The following ST6GALNAC3 variants were observed in gnomAD, a reference collection of about 807,000 sequenced individuals.
ST6GALNAC3 encodes the protein ST6 N-acetylgalactosaminide alpha-2,6-sialyltransferase 3.
A neutral mutation model predicts 32.7 loss-of-function variants in ST6GALNAC3; 25 were observed. That is an observed-to-expected ratio of 0.76 (90% confidence interval 0.56 to 1.07). The LOEUF (loss-of-function observed/expected upper bound fraction) is 1.07, where lower values mean the gene tolerates loss of function less well. Ranked by LOEUF, ST6GALNAC3 falls within the 50% of genes least tolerant of loss-of-function variation. ST6GALNAC3 has a pLI of 0.00. For missense variants in ST6GALNAC3, 355 were observed against 382.4 expected (o/e 0.93, Z 0.60); for synonymous variants, 129 against 133.1 (o/e 0.97, Z 0.21).
chr1:76,081,127 T>C (rs917325525), intron 1 of ST6GALNAC3, among the ~76,000 whole-genome samples: 2 of 152,178 alleles, frequency 1.3e-5, no homozygotes, highest in African/African-American at 4.8e-5. Context: ...AATTGTCCGA[T>C]GTCCTGTGGT....
chr1:76,565,080 C>T (rs1665473282), intron 3 of ST6GALNAC3, among the ~76,000 whole-genome samples: 1 of 152,140 alleles, frequency 6.6e-6, no homozygotes, highest in South Asian at 2.1e-4. Context: ...GGGAGGATGT[C>T]TCTCAGTCCG....
intron 1 of ST6GALNAC3, among the ~76,000 whole-genome samples, chr1:76,240,422 C>T (rs1478923640): frequency 1.3e-5 from 2 of 152,196 alleles, no homozygotes; most frequent in Non-Finnish European, 2.9e-5. Context: ...CAGCCAAATC[C>T]ATTCTCTTGT....
chr1:76,284,624 G>A (rs1433163282), intron 1 of ST6GALNAC3, among the ~76,000 whole-genome samples: 1 of 121,804 alleles, frequency 8.2e-6, no homozygotes, highest in African/African-American at 2.9e-5. Flanking sequence ...AAATGCTTGA[G>A]GATTTTTTTT....
At chr1:76,516,686 T>C (rs1662192926) in intron 3 of ST6GALNAC3, among the ~76,000 whole-genome samples, 1 of 152,142 alleles carries the variant, frequency 6.6e-6, no homozygotes, top group African/African-American at 2.4e-5. Flanking sequence ...AAAAAGTTAC[T>C]GTCTTCTTAT....
chr1:76,120,667 T>G (rs916711036), intron 1 of ST6GALNAC3, among the ~76,000 whole-genome samples: 2 of 152,186 alleles, frequency 1.3e-5, no homozygotes, highest in African/African-American at 4.8e-5. Context: ...TAACTCCACT[T>G]GGATAGCTAA....
chr1:76,414,817 A>G (rs955920929), intron 3 of ST6GALNAC3, among the ~76,000 whole-genome samples: 2 of 152,098 alleles, frequency 1.3e-5, no homozygotes, highest in Non-Finnish European at 2.9e-5. Flanking sequence ...AATCAATACA[A>G]TACCATTGCC....
At chr1:76,610,387 A>G (rs1222186042) in intron 3 of ST6GALNAC3, among the ~76,000 whole-genome samples, 1 of 152,194 alleles carries the variant, frequency 6.6e-6, no homozygotes, top group Non-Finnish European at 1.5e-5. Flanking sequence ...AGAAGCAATC[A>G]TTCCTTGCTC....
At chr1:76,478,627 T>G (rs748650740) in intron 3 of ST6GALNAC3, among the ~76,000 whole-genome samples, 1 of 152,160 alleles carries the variant, frequency 6.6e-6, no homozygotes, top group Non-Finnish European at 1.5e-5. Context: ...GAGAAAATGA[T>G]CTGGCTTTCC....
At chr1:76,405,080 C>G (rs963928874) in intron 2 of ST6GALNAC3, among the ~76,000 whole-genome samples, 1 of 152,092 alleles carries the variant, frequency 6.6e-6, no homozygotes. Context: ...TGTTGTGTTT[C>G]AAATCTGGCT....
chr1:76,235,972 T>C (rs115939414), intron 1 of ST6GALNAC3, among the ~76,000 whole-genome samples: 2 of 151,552 alleles, frequency 1.3e-5, no homozygotes, highest in African/African-American at 4.9e-5. Context: ...TTTTGTTTTT[T>C]GTTTGTTTGT....
At chr1:76,094,050 G>C (rs1017822367) in intron 1 of ST6GALNAC3, among the ~76,000 whole-genome samples, 2 of 152,156 alleles carry the variant, frequency 1.3e-5, no homozygotes, top group East Asian at 3.9e-4. Context: ...TGGGGGAAAA[G>C]TTATTTTTCC....
chr1:76,459,266 A>T (rs1281810215), intron 3 of ST6GALNAC3, among the ~76,000 whole-genome samples: 1 of 152,152 alleles, frequency 6.6e-6, no homozygotes, highest in Non-Finnish European at 1.5e-5. Flanking sequence ...TATACAGAGA[A>T]ATATGGAGAT....
At chr1:76,363,752 G>A (rs1297526085) in intron 2 of ST6GALNAC3, among the ~76,000 whole-genome samples, 1 of 152,130 alleles carries the variant, frequency 6.6e-6, no homozygotes, top group Non-Finnish European at 1.5e-5. Flanking sequence ...GAGGCCTCAG[G>A]AACCTTACAA....
rs1189272429 is a variant in ST6GALNAC3, at chr1:76,519,850, A to G, written c.623+107433A>G. On this transcript the variant is annotated intron_variant, in intron 3 of 4. Transcript: ENST00000328299. ...TTTATAGCAGCCAGTTGCTTTTATC[A>G]TAAATATTTATGAAAATTTTAAAAA... is the stretch of plus-strand genomic sequence containing the variant. 4.0e-5 allele frequency among the ~76,000 whole-genome samples: 6 copies of G among 151,754 alleles called. No individual in the cohort carries two copies. The East Asian group carries it at 9.7e-4, about 24-fold the overall frequency.
chr1:76,364,244 A>T (rs1244687018), intron 2 of ST6GALNAC3, among the ~76,000 whole-genome samples: 1 of 152,198 alleles, frequency 6.6e-6, no homozygotes, highest in Non-Finnish European at 1.5e-5. Context: ...AGACACACTC[A>T]TACCTTTTAA....
intron 3 of ST6GALNAC3, among the ~76,000 whole-genome samples, chr1:76,579,468 T>C (rs1462775897): frequency 6.6e-6 from 1 of 152,050 alleles, no homozygotes; most frequent in Non-Finnish European, 1.5e-5. Context: ...TCACCGTAAG[T>C]CTTAATGTCA....
At chr1:76,448,231 A>T (rs1212391589) in intron 3 of ST6GALNAC3, among the ~76,000 whole-genome samples, 1 of 152,152 alleles carries the variant, frequency 6.6e-6, no homozygotes, top group African/African-American at 2.4e-5. Flanking sequence ...GGGGACTTCC[A>T]TGGGGCCTTT....
chr1:76,308,035 C>T (rs1661168835), intron 1 of ST6GALNAC3: 1 of 349,272 alleles, frequency 2.9e-6, no homozygotes, highest in Non-Finnish European at 5.9e-6. Context: ...TTCAGACTTG[C>T]CCAAAATGAA....
At chr1:76,369,141 C>G (rs1006433805) in intron 2 of ST6GALNAC3, among the ~76,000 whole-genome samples, 1 of 152,146 alleles carries the variant, frequency 6.6e-6, no homozygotes, top group South Asian at 2.1e-4. Flanking sequence ...ACCAGAATAA[C>G]TTCCCTCCAC....
Sources: allele counts gnomAD v4.1 joint callset (sites outside exome capture counted in the v4.1 genomes callset), GRCh38; gene constraint gnomAD v4.1.1; transcripts MANE v1.5; gene names NCBI Gene and HGNC (gene_info 2026-07-23, HGNC 2026-07-21).